Variants in NAA35 observed in about 807,000 individuals in gnomAD.
NAA35 encodes the protein N-alpha-acetyltransferase 35, NatC auxiliary subunit, also known as MAK10 homolog, amino-acid N-acetyltransferase subunit.
NAA35 carries 18 observed loss-of-function variants against 101.7 expected under a neutral mutation model. The observed-to-expected ratio is 0.18, with a 90% confidence interval of 0.12 to 0.26. The LOEUF is 0.26. Among genes scored for constraint, NAA35 ranks in the 10% least tolerant of loss-of-function variants. The pLI is 1.00. For missense variants in NAA35, 601 were observed against 886.8 expected (o/e 0.68, Z 4.09); for synonymous variants, 267 against 273.1 (o/e 0.98, Z 0.22).
chr9:86,005,854 T>C (rs1831615213), intron 13 of NAA35, among the ~76,000 whole-genome samples: 1 of 151,906 alleles, frequency 6.6e-6, no homozygotes, highest in South Asian at 2.1e-4. Context: ...AGAAATACTA[T>C]TCACCTTTCA....
chr9:85,962,905 C>T (rs1195214060), intron 6 of NAA35, among the ~76,000 whole-genome samples: 1 of 152,060 alleles, frequency 6.6e-6, no homozygotes, highest in Admixed American at 6.6e-5. Flanking sequence ...GTCCTAAGTA[C>T]CTCACCTGAG....
Position 85,947,650 on chromosome 9 carries a change from G to A in NAA35, c.124+5367G>A, listed in dbSNP as rs139631916. The stretch of plus-strand genomic sequence containing the variant: ...ATTGTCACAGTGTCTATGAGGTGGT[G>A]CTACTGGCATCTAACAAGTACATGC... On this transcript the variant is annotated intron_variant, in intron 2 of 22. Coordinates refer to ENST00000361671, the MANE Select transcript of NAA35 (RefSeq NM_024635.4). Among the ~76,000 whole-genome samples, 441 of 152,308 alleles carry A rather than the reference G, an allele frequency of 2.9e-3. 5 individuals are homozygous for A. The South Asian group carries it at 0.034, about 12-fold the overall frequency.
intron 16 of NAA35, 121 bp downstream of exon 16, chr9:86,013,265 T>C (rs958027359): frequency 3.7e-6 from 2 of 545,162 alleles, no homozygotes; most frequent in Non-Finnish European, 3.1e-6. Flanking sequence ...CACTTTTCAC[T>C]TAAAATATAA....
chr9:85,999,952 T>A (rs1047112251), intron 12 of NAA35, among the ~76,000 whole-genome samples: 1 of 152,202 alleles, frequency 6.6e-6, no homozygotes, highest in Non-Finnish European at 1.5e-5. Context: ...AACCCATATC[T>A]TTTCATTTTT....
chr9:85,950,411 A>G (rs1828969109), intron 2 of NAA35, among the ~76,000 whole-genome samples: 1 of 152,078 alleles, frequency 6.6e-6, no homozygotes, highest in South Asian at 2.1e-4. Context: ...GCACCTGGCT[A>G]ATTTTGTATT....
intron 13 of NAA35, among the ~76,000 whole-genome samples, chr9:86,004,545 T>G (rs1241072788): frequency 6.6e-6 from 1 of 151,292 alleles, no homozygotes; most frequent in Non-Finnish European, 1.5e-5. Flanking sequence ...GAAGAGCATA[T>G]TAAAACAAAC....
chr9:85,976,547 A>G, intron 8 of NAA35, 138 bp from the exon 9 acceptor site: 2 of 555,578 alleles, frequency 3.6e-6, no homozygotes, highest in South Asian at 5.4e-5. Context: ...TAAATACTAG[A>G]CACGGCTTTT....
At chr9:85,946,423 C>G (rs1004326314) in intron 2 of NAA35, among the ~76,000 whole-genome samples, 6 of 152,210 alleles carry the variant, frequency 3.9e-5, no homozygotes. Flanking sequence ...GCAACATTCT[C>G]TCCTGGGATG....
At chr9:86,019,325 T>G (rs1358698492) in intron 21 of NAA35, among the ~76,000 whole-genome samples, 1 of 152,088 alleles carries the variant, frequency 6.6e-6, no homozygotes, top group Non-Finnish European at 1.5e-5. Context: ...CCAGGCGTGG[T>G]GCATGCCTGT....
chr9:86,014,919 A>G (rs1451291515), intron 17 of NAA35, among the ~76,000 whole-genome samples: 1 of 152,110 alleles, frequency 6.6e-6, no homozygotes, highest in Non-Finnish European at 1.5e-5. Context: ...CATAGTAGAC[A>G]ATTCTGGTTT....
chr9:85,974,407 A>G (rs1201679273), intron 6 of NAA35, among the ~76,000 whole-genome samples: 1 of 152,336 alleles, frequency 6.6e-6, no homozygotes, highest in East Asian at 1.9e-4. Context: ...TGACTCAGCA[A>G]TGAAATCATT....
At position 86,009,892 on chromosome 9, in the gene NAA35, T is replaced by C. The variant is rs1831822998; in HGVS notation, c.1251T>C (p.Ala417=). ...GCTACCTATATAATAATCACCAGGC[T>C]AAGGACTGTATCGACTCCTTTGTTA... is the stretch of plus-strand genomic sequence containing the variant. ...PKCYLYNNHQ[A]KDCIDSFVTH... is the part of the protein sequence containing the mutation. Residue 417 remains alanine, a synonymous_variant, in exon 15 of 23, where the codon GCT becomes GCC. Coordinates refer to ENST00000361671, the MANE Select transcript of NAA35 (RefSeq NM_024635.4). The C allele has an allele frequency of 6.2e-7, 1 of 1,613,310 alleles. No individual in the cohort carries two copies. The highest frequency in any genetic ancestry group is 1.3e-5 in the African/African-American group (1 of 74,910).
At position 85,961,996 on chromosome 9, in the gene NAA35, C is replaced by G; in HGVS notation, c.349-17C>G. 6.3e-7 allele frequency: 1 copy of G among 1,588,992 alleles called. No individual in the cohort carries two copies. The highest frequency in any genetic ancestry group is 1.2e-5 in the South Asian group (1 of 86,554). On this transcript the variant is annotated splice_polypyrimidine_tract_variant and intron_variant, in intron 5 of 22. Coordinates refer to ENST00000361671, the MANE Select transcript of NAA35 (RefSeq NM_024635.4). ...CAGTTTATCACCTTAAATATATACT[C>G]TTTTGTTTCTTTATAGATAACGTGG... is the stretch of plus-strand genomic sequence containing the variant.
At chr9:85,958,974 A>G (rs1829391176) in intron 4 of NAA35, among the ~76,000 whole-genome samples, 1 of 152,196 alleles carries the variant, frequency 6.6e-6, no homozygotes, top group Non-Finnish European at 1.5e-5. Context: ...CTTGCCATAG[A>G]GTTTGATTTT....
intron 6 of NAA35, among the ~76,000 whole-genome samples, chr9:85,968,542 T>C (rs1829860181): frequency 6.6e-6 from 1 of 152,160 alleles, no homozygotes; most frequent in African/African-American, 2.4e-5. Context: ...AAGTGGGGTG[T>C]GTGTGTATGT....
intron 14 of NAA35, among the ~76,000 whole-genome samples, chr9:86,009,600 T>C (rs1473267222): frequency 6.6e-6 from 1 of 152,216 alleles, no homozygotes; most frequent in Non-Finnish European, 1.5e-5. Context: ...CTTTTCCTTT[T>C]CTCTTTGCTA....
chr9:86,004,224 C>T (rs1212291886), intron 13 of NAA35, among the ~76,000 whole-genome samples: 1 of 152,118 alleles, frequency 6.6e-6, no homozygotes, highest in Non-Finnish European at 1.5e-5. Context: ...TGTGCCTCAG[C>T]CTATCAAGTA....
chr9:85,982,086 T>C (rs1242004233), intron 11 of NAA35, among the ~76,000 whole-genome samples: 1 of 152,214 alleles, frequency 6.6e-6, no homozygotes, highest in Admixed American at 6.5e-5. Flanking sequence ...CATAGTAATA[T>C]CTTTATGAAG....
At chr9:85,955,104 A>T (rs1829182181) in intron 2 of NAA35, among the ~76,000 whole-genome samples, 1 of 150,786 alleles carries the variant, frequency 6.6e-6, no homozygotes, top group African/African-American at 2.4e-5. Context: ...TTTAGTAGAG[A>T]TGGGGTTTCA....
Sources: allele counts gnomAD v4.1 joint callset (sites outside exome capture counted in the v4.1 genomes callset), GRCh38; gene constraint gnomAD v4.1.1; transcripts MANE v1.5; gene names NCBI Gene and HGNC (gene_info 2026-07-23, HGNC 2026-07-21).